OR4E2: variants seen among roughly 807,000 people sequenced by gnomAD.
The protein encoded by OR4E2 is olfactory receptor 4E2.
A neutral mutation model predicts 11.0 loss-of-function variants in OR4E2; 9 were observed. The observed-to-expected ratio is 0.82, with a 90% confidence interval of 0.49 to 1.43. The LOEUF (loss-of-function observed/expected upper bound fraction) is 1.43. Ranked by LOEUF, OR4E2 falls within the 40% of genes most tolerant of loss-of-function variation. OR4E2 has a pLI of 0.00. For missense variants in OR4E2, 441 were observed against 382.0 expected (o/e 1.15, Z -1.29); for synonymous variants, 159 against 147.3 (o/e 1.08, Z -0.57).
At chr14:21,663,415 G>A (rs1263248113) in intron 3 of OR4E2, among the ~76,000 whole-genome samples, 1 of 152,096 alleles carries the variant, frequency 6.6e-6, no homozygotes, top group Middle Eastern at 3.2e-3. Flanking sequence ...GGAAGGCGGA[G>A]CTTGCAGTGA....
intron 3 of OR4E2, among the ~76,000 whole-genome samples, chr14:21,661,533 C>T (rs1880327375): frequency 6.6e-6 from 1 of 152,166 alleles, no homozygotes; most frequent in Admixed American, 6.5e-5. Context: ...TGGCTGCACA[C>T]TGGACTCTCC....
chr14:21,656,759 A>G (rs1160423897), intron 2 of OR4E2, among the ~76,000 whole-genome samples, 170 bp downstream of exon 2: 1 of 152,090 alleles, frequency 6.6e-6, no homozygotes, highest in Admixed American at 6.5e-5. Flanking sequence ...AGTTGTTTTA[A>G]CCTCTTTTCT....
intron 2 of OR4E2, among the ~76,000 whole-genome samples, chr14:21,657,405 CCTTTCTTT>C (rs1199005843): frequency 3.0e-5 from 4 of 132,208 alleles, no homozygotes; most frequent in Non-Finnish European, 4.9e-5. Context: ...TTCCTTCCTT[CCTTTCTTT>C]CTTTCTTTCT....
chr14:21,663,593 G>A (rs1235979382), intron 3 of OR4E2, among the ~76,000 whole-genome samples: 2 of 152,122 alleles, frequency 1.3e-5, no homozygotes, highest in Non-Finnish European at 2.9e-5. Flanking sequence ...GATAGGCTTT[G>A]ACTGGGTCAG....
chr14:21,663,033 T>C (rs1337877083), intron 3 of OR4E2, among the ~76,000 whole-genome samples: 1 of 152,190 alleles, frequency 6.6e-6, no homozygotes, highest in African/African-American at 2.4e-5. Context: ...TTAAGTATTT[T>C]CTTAGCTCCA....
intron 2 of OR4E2, among the ~76,000 whole-genome samples, chr14:21,658,659 G>A (rs1880146902): frequency 6.6e-6 from 1 of 152,180 alleles, no homozygotes; most frequent in Non-Finnish European, 1.5e-5. Context: ...TCTCTGGAAA[G>A]TCACGATACT....
intron 3 of OR4E2, among the ~76,000 whole-genome samples, chr14:21,663,512 A>G (rs1336434721): frequency 1.3e-5 from 2 of 151,776 alleles, no homozygotes. Context: ...TTTAGTGGAG[A>G]GCAAAAATGA....
At chr14:21,658,924 C>A (rs959715909) in intron 2 of OR4E2, among the ~76,000 whole-genome samples, 1 of 151,968 alleles carries the variant, frequency 6.6e-6, no homozygotes, top group African/African-American at 2.4e-5. Context: ...AAGATTTCTG[C>A]TGATTGCCTT....
intron 3 of OR4E2, among the ~76,000 whole-genome samples, chr14:21,662,584 G>A (rs1880390816): frequency 6.6e-6 from 1 of 152,180 alleles, no homozygotes; most frequent in Non-Finnish European, 1.5e-5. Flanking sequence ...ACAGGCATGA[G>A]CCACCACGCC....
intron 1 of OR4E2, among the ~76,000 whole-genome samples, chr14:21,654,378 A>G (rs1879808692): frequency 6.6e-6 from 1 of 151,098 alleles, no homozygotes; most frequent in Non-Finnish European, 1.5e-5. Context: ...ACACACACAC[A>G]CGCATGCACA....
chr14:21,666,156 T>A lies in OR4E2; in HGVS notation c.*132T>A. The stretch of plus-strand genomic sequence containing the variant: ...TAGAGCAGGTCAGATTTCTGCTCAT[T>A]AAAGATAAGAACTTATTCTGTTCAT... On this transcript the variant is annotated 3_prime_UTR_variant, in exon 4 of 4. Transcript: ENST00000641524. 1 of 628,454 alleles carries A rather than the reference T, an allele frequency of 1.6e-6. No individual in the cohort carries two copies. The highest frequency in any genetic ancestry group is 2.8e-6 in the Non-Finnish European group (1 of 358,102). 38.9% of individuals were successfully genotyped at this position (628,454 alleles called of 1,614,324 possible).
intron 2 of OR4E2, among the ~76,000 whole-genome samples, chr14:21,657,499 C>T (rs1411637896): frequency 3.1e-4 from 31 of 100,790 alleles, no homozygotes; most frequent in African/African-American, 1.2e-3. Context: ...TTCCTTCCTT[C>T]CTTCCTTCTT....
rs112465305 is a variant in OR4E2, at chr14:21,654,480, C to A, written c.-191+541C>A. On this transcript the variant is annotated intron_variant, in intron 1 of 3. Coordinates refer to ENST00000641524, the MANE Select transcript of OR4E2 (RefSeq NM_001001912.3). ...ACACAGATGCACACACACACACACG[C>A]ATGCACACACACATACATAAATTAG... Among the ~76,000 whole-genome samples the A allele has an allele frequency of 8.7e-3, 1,325 of 151,734 alleles. 15 individuals are homozygous for A. Among genetic ancestry groups the A allele is most frequent in the African/African-American group, 0.028 (1,153 of 41,300 alleles).
intron 2 of OR4E2, among the ~76,000 whole-genome samples, chr14:21,657,393 T>C (rs200994756): frequency 0.019 from 1,874 of 97,944 alleles, 28 homozygotes; most frequent in Non-Finnish European, 0.024. Context: ...TTCCTTTCTT[T>C]CTTCCTTCCT....
intron 2 of OR4E2, among the ~76,000 whole-genome samples, chr14:21,657,431 T>C (rs1281932635): frequency 7.4e-6 from 1 of 134,638 alleles, no homozygotes; most frequent in East Asian, 2.2e-4. Flanking sequence ...TCTCTTTCTT[T>C]CTTCTTTCTT....
intron 3 of OR4E2, among the ~76,000 whole-genome samples, chr14:21,661,159 C>A (rs1880300158): frequency 6.6e-6 from 1 of 152,058 alleles, no homozygotes; most frequent in Non-Finnish European, 1.5e-5. Flanking sequence ...AAAATCCTAT[C>A]ATTTCCTTCA....
chr14:21,655,283 C>T (rs1790586788), intron 1 of OR4E2, among the ~76,000 whole-genome samples: 1 of 152,114 alleles, frequency 6.6e-6, no homozygotes, highest in African/African-American at 2.4e-5. Flanking sequence ...AGGAAATATG[C>T]TTTCATTTGA....
intron 3 of OR4E2, among the ~76,000 whole-genome samples, chr14:21,661,422 C>A (rs141516959): frequency 0.015 from 2,219 of 152,294 alleles, 32 homozygotes; most frequent in Non-Finnish European, 0.021. Flanking sequence ...CCCTTCCTCA[C>A]TCCCTGCCTT....
At position 21,666,506 on chromosome 14, in the gene OR4E2, C is replaced by G. The variant is rs1880658311; in HGVS notation, c.*482C>G. 6.6e-6 allele frequency: 1 copy of G among 152,058 alleles called. No individual in the cohort carries two copies. The highest frequency in any genetic ancestry group is 1.5e-5 in the Non-Finnish European group (1 of 68,064). 9.4% of individuals were successfully genotyped at this position (152,058 alleles called of 1,614,324 possible). A position where few individuals can be genotyped will look rare whatever the true frequency, so the allele number is the denominator to read the frequency against. ...CTTTACTTATTTATATTGAATTAAACTTTTGTTGCTTTTGAATGTAATTCT... is the reference window on the plus strand; with the variant it reads ...CTTTACTTATTTATATTGAATTAAAGTTTTGTTGCTTTTGAATGTAATTCT... On this transcript the variant is annotated 3_prime_UTR_variant, in exon 4 of 4. Coordinates refer to ENST00000641524, the MANE Select transcript of OR4E2 (RefSeq NM_001001912.3).
Sources: gnomAD v4.1 joint callset for allele counts (sites outside exome capture counted in the v4.1 genomes callset) on GRCh38, gnomAD v4.1.1 for gene constraint, MANE v1.5 for transcripts, NCBI Gene and HGNC (gene_info 2026-07-23, HGNC 2026-07-21) for gene names.